DAPL1: variants seen among roughly 807,000 people sequenced by gnomAD.
DAPL1 encodes death associated protein like 1.
A neutral mutation model predicts 12.9 loss-of-function variants in DAPL1; 17 were observed. That is an observed-to-expected ratio of 1.32 (90% CI 0.90 to 1.98). DAPL1 has a LOEUF of 1.98. Ranked by LOEUF, DAPL1 falls within the 30% of genes most tolerant of loss-of-function variation. The pLI is 0.00. For synonymous variants in DAPL1, 51 were observed against 42.0 expected, an observed-to-expected ratio of 1.21 and a Z score of -0.82; for missense variants, 157 against 125.7, an observed-to-expected ratio of 1.25 and a Z score of -1.19.
intron 1 of DAPL1, among the ~76,000 whole-genome samples, chr2:158,802,371 G>C (rs570250982): frequency 6.6e-6 from 1 of 152,328 alleles, no homozygotes; most frequent in East Asian, 1.9e-4. Flanking sequence ...CTCCATCTTA[G>C]AATGAGCGAG....
intron 2 of DAPL1, among the ~76,000 whole-genome samples, chr2:158,805,918 A>G (rs1201986959): frequency 6.7e-6 from 1 of 148,414 alleles, no homozygotes; most frequent in East Asian, 1.9e-4. Flanking sequence ...TTTCAGGGCC[A>G]TTTTAAAAGA....
Position 158,804,353 on chromosome 2 carries a change from G to T in DAPL1, c.130G>T (p.Gly44Ter). ...GTLERHTKKTGFEKTSAIANV... is the reference protein window; with the variant it reads ...GTLERHTKKT The stretch of plus-strand genomic sequence containing the variant: ...CTTGGAAAGACATACCAAAAAAACA[G>T]GATTCGAGAAAACAAGGTAGGGACT... Residue 44 changes from glycine to a stop codon, truncating the protein, a stop_gained, in exon 2 of 4, where the codon GGA (glycine) becomes TGA (stop). Transcript: ENST00000309950. LOFTEE classifies it high-confidence loss of function. 2 of 1,610,194 alleles carry T rather than the reference G, an allele frequency of 1.2e-6. No individual in the cohort carries two copies. Among genetic ancestry groups the T allele is most frequent in the Non-Finnish European group, 1.7e-6 (2 of 1,177,982 alleles).
intron 2 of DAPL1, among the ~76,000 whole-genome samples, chr2:158,804,966 G>A (rs1258392325): frequency 6.6e-6 from 1 of 152,152 alleles, no homozygotes; most frequent in Non-Finnish European, 1.5e-5. Context: ...GTAAGCAAAT[G>A]GCCCAACCAG....
intron 1 of DAPL1, among the ~76,000 whole-genome samples, chr2:158,798,248 G>A (rs1168107032): frequency 6.6e-6 from 1 of 152,220 alleles, no homozygotes; most frequent in Non-Finnish European, 1.5e-5. Flanking sequence ...AAGAGAGAAG[G>A]AAGTTGGAGG....
rs912839888 is a variant in DAPL1 at position 158,806,504 on chromosome 2, C to T, written c.147-551C>T. Among the ~76,000 whole-genome samples the T allele has an allele frequency of 1.1e-4, 17 of 151,996 alleles. 1 individual carries two copies. The highest frequency in any genetic ancestry group is 9.2e-4 in the Admixed American group (14 of 15,266). On this transcript the variant is annotated intron_variant, in intron 2 of 3. Transcript: ENST00000309950. ...TCAATCTATATGCTTATAGCATGTG[C>T]ATGTTTCTGTATGTATATCATATTT...
chr2:158,801,473 C>T (rs767397322), intron 1 of DAPL1, among the ~76,000 whole-genome samples: 1 of 152,140 alleles, frequency 6.6e-6, no homozygotes, highest in Non-Finnish European at 1.5e-5. Context: ...TTTATTTCAC[C>T]TGTATTCCAT....
At chr2:158,810,037 C>T (rs764667213) in intron 3 of DAPL1, among the ~76,000 whole-genome samples, 8 of 152,108 alleles carry the variant, frequency 5.3e-5, no homozygotes, top group Non-Finnish European at 1.0e-4. Context: ...GATGGTTACT[C>T]ATCTTGATTG....
At chr2:158,814,151 A>AAGTAAACT (rs1356450493) in intron 3 of DAPL1, among the ~76,000 whole-genome samples, 1 of 152,214 alleles carries the variant, frequency 6.6e-6, no homozygotes, top group Non-Finnish European at 1.5e-5. Context: ...CACAGTCTGG[A>AAGTAAACT]AGTAAACTAC....
intron 3 of DAPL1, 38 bp from the exon 4 acceptor site, chr2:158,815,667 T>C (rs1188021550): frequency 8.1e-7 from 1 of 1,241,184 alleles, no homozygotes; most frequent in East Asian, 2.3e-5. Flanking sequence ...ACCAAGAAGA[T>C]CCAATATGCC....
At chr2:158,804,695 T>A (rs1033848318) in intron 2 of DAPL1, among the ~76,000 whole-genome samples, 3 of 152,268 alleles carry the variant, frequency 2.0e-5, no homozygotes, top group African/African-American at 7.2e-5. Flanking sequence ...TATCCTATTT[T>A]CAGATCAGCC....
At chr2:158,803,753 T>C (rs1414565110) in intron 1 of DAPL1, among the ~76,000 whole-genome samples, 3 of 152,156 alleles carry the variant, frequency 2.0e-5, no homozygotes, top group Non-Finnish European at 2.9e-5. Flanking sequence ...GGAAGGTGGG[T>C]ATCTGGTAGA....
intron 1 of DAPL1, among the ~76,000 whole-genome samples, chr2:158,801,662 T>TA (rs1173177510): frequency 2.6e-5 from 4 of 152,198 alleles, no homozygotes; most frequent in Non-Finnish European, 5.9e-5. Context: ...CAATATTTTT[T>TA]AAACTTGGTA....
chr2:158,797,000 A>G (rs1414545375), intron 1 of DAPL1, among the ~76,000 whole-genome samples: 1 of 152,246 alleles, frequency 6.6e-6, no homozygotes, highest in Admixed American at 6.5e-5. Context: ...CTTGCCACTA[A>G]TTTTAAGTCT....
chr2:158,802,221 C>T (rs531349300), intron 1 of DAPL1, among the ~76,000 whole-genome samples: 2 of 152,222 alleles, frequency 1.3e-5, no homozygotes, highest in African/African-American at 2.4e-5. Flanking sequence ...ATTCCAAACA[C>T]GCATACTCTT....
intron 1 of DAPL1, among the ~76,000 whole-genome samples, chr2:158,796,562 A>T (rs1391812936): frequency 6.6e-6 from 1 of 152,216 alleles, no homozygotes; most frequent in Non-Finnish European, 1.5e-5. Context: ...GCTAGCTAAT[A>T]GTCAGGAAGT....
At chr2:158,811,574 T>C (rs1005252940) in intron 3 of DAPL1, among the ~76,000 whole-genome samples, 1 of 152,148 alleles carries the variant, frequency 6.6e-6, no homozygotes, top group African/African-American at 2.4e-5. Flanking sequence ...GGTTCTGAGG[T>C]CGCAGCTACC....
intron 1 of DAPL1, among the ~76,000 whole-genome samples, chr2:158,801,838 G>A (rs538845840): frequency 1.1e-4 from 16 of 152,044 alleles, no homozygotes; most frequent in African/African-American, 2.7e-4. Flanking sequence ...AGCAGTAACT[G>A]GTACAATATA....
intron 3 of DAPL1, among the ~76,000 whole-genome samples, chr2:158,807,356 A>C (rs1319050323): frequency 6.6e-6 from 1 of 152,226 alleles, no homozygotes; most frequent in Non-Finnish European, 1.5e-5. Context: ...GAAAGTGGGA[A>C]TCATGATGGT....
chr2:158,815,631 A>G, intron 3 of DAPL1, 74 bp from the exon 4 acceptor site: 2 of 889,656 alleles, frequency 2.2e-6, no homozygotes, highest in Non-Finnish European at 3.8e-6. Flanking sequence ...CAACGATATC[A>G]CTTTCTACTA....
Sources: allele counts gnomAD v4.1 joint callset (sites outside exome capture counted in the v4.1 genomes callset), GRCh38; gene constraint gnomAD v4.1.1; transcripts MANE v1.5; gene names NCBI Gene and HGNC (gene_info 2026-07-23, HGNC 2026-07-21).